Variants in TNIK observed in about 807,000 individuals in gnomAD.
TNIK encodes the protein TRAF2 and NCK-interacting protein kinase.
A neutral mutation model predicts 191.3 loss-of-function variants in TNIK; 49 were observed. The observed-to-expected ratio is 0.26, with a 90% CI of 0.20 to 0.32. TNIK has a LOEUF of 0.32. TNIK is among the 10% of genes least tolerant of loss of function. TNIK has a pLI of 1.00. For missense variants in TNIK, 1,155 were observed against 1,702.3 expected, an observed-to-expected ratio of 0.68 and a Z score of 5.66; for synonymous variants, 594 against 600.9, an observed-to-expected ratio of 0.99 and a Z score of 0.17.
At chr3:171,219,626 C>A (rs528016751) in intron 3 of TNIK, among the ~76,000 whole-genome samples, 67 of 152,170 alleles carry the variant, frequency 4.4e-4, no homozygotes, top group African/African-American at 1.6e-3. Context: ...ATGCAACCAA[C>A]AGACATATGA....
chr3:171,271,781 G>A (rs556410979), intron 2 of TNIK, among the ~76,000 whole-genome samples: 49 of 152,136 alleles, frequency 3.2e-4, no homozygotes, highest in Non-Finnish European at 5.4e-4. Context: ...TTTCAAACCC[G>A]AATTTAAAAG....
intron 1 of TNIK, among the ~76,000 whole-genome samples, chr3:171,431,639 T>A (rs921517720): frequency 2.0e-5 from 3 of 152,352 alleles, no homozygotes; most frequent in African/African-American, 7.2e-5. Flanking sequence ...CTTAGGAGGA[T>A]ACTGCTTTTG....
intron 2 of TNIK, among the ~76,000 whole-genome samples, chr3:171,360,869 T>C (rs1714870674): frequency 6.6e-6 from 1 of 152,230 alleles, no homozygotes; most frequent in African/African-American, 2.4e-5. Flanking sequence ...GTGCATGGAA[T>C]ACAACATTGA....
chr3:171,203,357 T>C (rs1739648429), intron 4 of TNIK, among the ~76,000 whole-genome samples: 1 of 152,142 alleles, frequency 6.6e-6, no homozygotes, highest in Admixed American at 6.5e-5. Context: ...TGAGACGATC[T>C]TACACAGGGG....
chr3:171,206,333 G>GTA (rs1281279458), intron 4 of TNIK, among the ~76,000 whole-genome samples: 1 of 81,650 alleles, frequency 1.2e-5, no homozygotes, highest in African/African-American at 4.3e-5. Flanking sequence ...ATATATGTTC[G>GTA]TGTATATATA....
chr3:171,255,710 A>G (rs1270676501), intron 2 of TNIK, among the ~76,000 whole-genome samples: 1 of 152,184 alleles, frequency 6.6e-6, no homozygotes, highest in Non-Finnish European at 1.5e-5. Flanking sequence ...AACAAAGCTC[A>G]TTTTGTTGCA....
At chr3:171,258,841 C>T (rs548674098) in intron 2 of TNIK, among the ~76,000 whole-genome samples, 2 of 152,286 alleles carry the variant, frequency 1.3e-5, no homozygotes, top group East Asian at 3.9e-4. Context: ...TGATGATAAT[C>T]TCATTATAAT....
chr3:171,100,746 GAAAAAA>G (rs111353325), intron 22 of TNIK, among the ~76,000 whole-genome samples: 2 of 92,944 alleles, frequency 2.2e-5, no homozygotes, highest in Admixed American at 2.5e-4. Context: ...TCCTCACCTT[GAAAAAA>G]AAAAAAAAAA....
intron 3 of TNIK, among the ~76,000 whole-genome samples, chr3:171,214,647 TCA>T (rs1243648722): frequency 6.6e-6 from 1 of 152,162 alleles, no homozygotes; most frequent in African/African-American, 2.4e-5. Flanking sequence ...TACCAAATTA[TCA>T]CACATTTAAA....
rs76794687 is a variant in TNIK, at chr3:171,323,613, A to G, written c.123+46007T>C. Reference sequence around the variant, plus strand: ...ATGTTCATTACAATTTCGCGAACCTATGAAAGTACATATCAGGGGAACTAA... The same window carrying G: ...ATGTTCATTACAATTTCGCGAACCTGTGAAAGTACATATCAGGGGAACTAA... On this transcript the variant is annotated intron_variant, in intron 2 of 32. Coordinates refer to ENST00000436636, the MANE Select transcript of TNIK (RefSeq NM_015028.4). 9.4e-3 allele frequency among the ~76,000 whole-genome samples: 1,428 copies of G among 152,286 alleles called. 19 individuals are homozygous for G. The highest frequency in any genetic ancestry group is 0.033 in the African/African-American group (1,371 of 41,556).
Position 171,190,914 on chromosome 3 carries a change from A to G in TNIK, c.418-127T>C, listed in dbSNP as rs1577077052. Reference sequence around the variant, plus strand: ...ACATACTTTTCAGAATTATAATCACATCTTTCATGTGCTCATAGTGCTCTT... The same window carrying G: ...ACATACTTTTCAGAATTATAATCACGTCTTTCATGTGCTCATAGTGCTCTT... On this transcript the variant is annotated intron_variant, in intron 5 of 32. Transcript: ENST00000436636. 4 of 619,402 alleles carry G rather than the reference A, an allele frequency of 6.5e-6. No individual in the cohort carries two copies. The East Asian group carries it at 8.5e-5, about 13-fold the overall frequency. 38.4% of individuals were successfully genotyped at this position (619,402 alleles called of 1,614,324 possible).
At chr3:171,158,619 C>G (rs1385084154) in intron 11 of TNIK, among the ~76,000 whole-genome samples, 1 of 152,216 alleles carries the variant, frequency 6.6e-6, no homozygotes, top group African/African-American at 2.4e-5. Flanking sequence ...TTACGGAGCA[C>G]CTGCTATGTG....
rs549116891 is a variant in TNIK, at chr3:171,182,026, G to A, written c.640-4646C>T. Among the ~76,000 whole-genome samples the A allele has an allele frequency of 1.1e-4, 16 of 152,160 alleles. No homozygotes were observed. In the East Asian group the frequency reaches 2.9e-3, roughly 27 times the overall value. The stretch of plus-strand genomic sequence containing the variant: ...CACATCACCTCAGAATCCCTCTTGG[G>A]CAGCCTTTCCCTAAGCCACCAGAAC... On this transcript the variant is annotated intron_variant, in intron 7 of 32. Coordinates refer to ENST00000436636, the MANE Select transcript of TNIK (RefSeq NM_015028.4).
Position 171,273,430 on chromosome 3 carries a change from G to C in TNIK, c.124-45209C>G, listed in dbSNP as rs148704627. Among the ~76,000 whole-genome samples the C allele has an allele frequency of 2.3e-3, 344 of 152,286 alleles. 2 individuals are homozygous for C. The highest frequency in any genetic ancestry group is 3.7e-3 in the South Asian group (18 of 4,816). On this transcript the variant is annotated intron_variant, in intron 2 of 32. Coordinates refer to ENST00000436636, the MANE Select transcript of TNIK (RefSeq NM_015028.4). ...GTATCTTTCTGCATTGTGCTGCCTG[G>C]GGCTGGGGTAGGGGTGATGCAAGTG... is the stretch of plus-strand genomic sequence containing the variant.
At chr3:171,245,566 T>TAA (rs201701654) in intron 2 of TNIK, among the ~76,000 whole-genome samples, 28 of 116,686 alleles carry the variant, frequency 2.4e-4, no homozygotes, top group African/African-American at 7.5e-4. Context: ...ACTTTAACAA[T>TAA]AAAAAAAAAA....
At chr3:171,107,715 A>C (rs915613194) in intron 20 of TNIK, among the ~76,000 whole-genome samples, 1 of 152,296 alleles carries the variant, frequency 6.6e-6, no homozygotes, top group East Asian at 1.9e-4. Context: ...AGAGTAGAAG[A>C]GATTAGAGAA....
chr3:171,438,111 G>A (rs1489896587), intron 1 of TNIK, among the ~76,000 whole-genome samples: 1 of 152,178 alleles, frequency 6.6e-6, no homozygotes, highest in South Asian at 2.1e-4. Context: ...TATTGAGCCT[G>A]TACTTATAAA....
At chr3:171,228,934 A>G (rs1743284572) in intron 2 of TNIK, among the ~76,000 whole-genome samples, 1 of 152,204 alleles carries the variant, frequency 6.6e-6, no homozygotes, top group African/African-American at 2.4e-5. Context: ...TGTGACTCTC[A>G]GACAACAGCA....
intron 16 of TNIK, among the ~76,000 whole-genome samples, chr3:171,127,239 G>T (rs1336786057): frequency 6.6e-6 from 1 of 152,094 alleles, no homozygotes; most frequent in Admixed American, 6.5e-5. Context: ...TTAAGTGCTG[G>T]AATGTTATTA....
Sources: gnomAD v4.1 joint callset for allele counts (sites outside exome capture counted in the v4.1 genomes callset) on GRCh38, gnomAD v4.1.1 for gene constraint, MANE v1.5 for transcripts, NCBI Gene and HGNC (gene_info 2026-07-23, HGNC 2026-07-21) for gene names.